The following XRCC4 variants were observed in gnomAD, a reference collection of about 807,000 sequenced individuals.
XRCC4 encodes X-ray repair cross complementing 4, also known as DNA repair protein XRCC4.
XRCC4 carries 28 observed loss-of-function variants against 39.1 expected under a neutral mutation model. The observed-to-expected ratio is 0.72, with a 90% CI of 0.53 to 0.98. The LOEUF is 0.98. Among genes scored for constraint, XRCC4 ranks in the 50% least tolerant of loss-of-function variants. The probability of loss-of-function intolerance (pLI) is 0.00; values close to 1 mark genes in which losing one functional copy is unlikely to be tolerated. For missense variants in XRCC4, 350 were observed against 376.4 expected, an observed-to-expected ratio of 0.93 and a Z score of 0.58; for synonymous variants, 123 against 126.4, an observed-to-expected ratio of 0.97 and a Z score of 0.18.
chr5:83,283,586 T>G (rs1262458565), intron 7 of XRCC4, among the ~76,000 whole-genome samples: 1 of 152,208 alleles, frequency 6.6e-6, no homozygotes, highest in African/African-American at 2.4e-5. Context: ...ATAATTGACT[T>G]TATTCCACTA....
chr5:83,190,932 T>C (rs1750665889), intron 3 of XRCC4, among the ~76,000 whole-genome samples: 2 of 152,220 alleles, frequency 1.3e-5, no homozygotes, highest in Admixed American at 1.3e-4. Flanking sequence ...CATGTCTTTA[T>C]TTCTTTATTT....
intron 1 of XRCC4, among the ~76,000 whole-genome samples, chr5:83,095,289 C>T (rs1198667871): frequency 3.3e-5 from 5 of 152,124 alleles, no homozygotes; most frequent in Non-Finnish European, 7.3e-5. Context: ...ACAGAAATTT[C>T]CTCTGATCAG....
chr5:83,364,285 T>C, the XRCC4 span, among the ~76,000 whole-genome samples: 1 of 152,184 alleles, frequency 6.6e-6, no homozygotes, highest in Admixed American at 6.5e-5. Flanking sequence ...GTATTTCTCA[T>C]TGTCTTTCTA....
At chr5:83,337,030 G>C (rs1049588739) in intron 7 of XRCC4, among the ~76,000 whole-genome samples, 12 of 152,052 alleles carry the variant, frequency 7.9e-5, no homozygotes, top group African/African-American at 2.7e-4. Flanking sequence ...CTAAGTGATA[G>C]CATTTCTAAA....
chr5:83,170,183 G>T (rs7726666), intron 3 of XRCC4, among the ~76,000 whole-genome samples: 5,809 of 152,138 alleles, frequency 0.038, 123 homozygotes, highest in African/African-American at 0.049. Flanking sequence ...ATTGTGTCTT[G>T]TGAGCTTGCT....
At chr5:83,162,177 A>T (rs1036382959) in intron 3 of XRCC4, among the ~76,000 whole-genome samples, 12 of 152,184 alleles carry the variant, frequency 7.9e-5, no homozygotes, top group East Asian at 1.9e-4. Context: ...AAAAATAAAT[A>T]AATTAATTAG....
intron 7 of XRCC4, among the ~76,000 whole-genome samples, chr5:83,328,982 G>T (rs1389259584): frequency 1.3e-5 from 2 of 151,704 alleles, no homozygotes; most frequent in Non-Finnish European, 1.5e-5. Context: ...ATGTTGCCCA[G>T]ACTGGACTCC....
intron 6 of XRCC4, among the ~76,000 whole-genome samples, chr5:83,229,026 CATT>C (rs960274865): frequency 4.0e-5 from 6 of 151,796 alleles, no homozygotes; most frequent in Non-Finnish European, 7.4e-5. Flanking sequence ...GACCCAGTTC[CATT>C]TGGAGACTTG....
chr5:83,264,765 G>A (rs1280424461), intron 7 of XRCC4, among the ~76,000 whole-genome samples: 2 of 152,012 alleles, frequency 1.3e-5, no homozygotes, highest in East Asian at 3.9e-4. Context: ...TCAATATGGT[G>A]TAATATGGGA....
intron 7 of XRCC4, among the ~76,000 whole-genome samples, chr5:83,302,182 C>A (rs1458205698): frequency 6.6e-6 from 1 of 151,914 alleles, no homozygotes; most frequent in Non-Finnish European, 1.5e-5. Context: ...GGCCACTTGG[C>A]TCCCTGGCTT....
At chr5:83,098,676 A>G (rs1359557470) in intron 1 of XRCC4, among the ~76,000 whole-genome samples, 3 of 152,146 alleles carry the variant, frequency 2.0e-5, no homozygotes, top group African/African-American at 7.2e-5. Context: ...TTTTTCAAAA[A>G]AAAAAATCTT....
chr5:83,234,887 T>C (rs1430612958), intron 6 of XRCC4, among the ~76,000 whole-genome samples: 1 of 151,718 alleles, frequency 6.6e-6, no homozygotes, highest in African/African-American at 2.4e-5. Flanking sequence ...AAGTTAATCC[T>C]CTTTAAATAG....
In XRCC4 at chr5:83,118,471, C is replaced by CT. The variant is rs1746847711; in HGVS notation, c.315+7271dup. Among the ~76,000 whole-genome samples the CT allele has an allele frequency of 8.5e-5, 13 of 152,244 alleles. No individual in the cohort carries two copies. The South Asian group carries it at 2.7e-3, about 32-fold the overall frequency. On this transcript the variant is annotated intron_variant, in intron 3 of 7. Coordinates refer to ENST00000396027, the MANE Select transcript of XRCC4 (RefSeq NM_003401.5). The stretch of plus-strand genomic sequence containing the variant: ...ATGAGTCAGTGTGCCCAACAGTCTA[C>CT]TTTGTAATTTTTAACAGGTAGTTTT...
intron 6 of XRCC4, among the ~76,000 whole-genome samples, chr5:83,214,837 A>C (rs1190587273): frequency 8.3e-5 from 7 of 84,614 alleles, no homozygotes; most frequent in Admixed American, 3.5e-4. Context: ...ACTCCTTCTC[A>C]AAAAAAAAAA....
chr5:83,224,270 C>G (rs570812514), intron 6 of XRCC4, among the ~76,000 whole-genome samples: 1 of 151,640 alleles, frequency 6.6e-6, no homozygotes, highest in Non-Finnish European at 1.5e-5. Flanking sequence ...TTCTGTTTCT[C>G]TTTTGTATAT....
intron 3 of XRCC4, among the ~76,000 whole-genome samples, chr5:83,162,395 G>A (rs1437613195): frequency 6.6e-6 from 1 of 152,034 alleles, no homozygotes; most frequent in Admixed American, 6.5e-5. Context: ...AATTGGGGTT[G>A]GGGGGAGTGA....
At chr5:83,191,603 G>A (rs1363269067) in intron 3 of XRCC4, among the ~76,000 whole-genome samples, 1 of 152,168 alleles carries the variant, frequency 6.6e-6, no homozygotes, top group South Asian at 2.1e-4. Context: ...AGGAGGCTGA[G>A]GCAGGAGAAT....
intron 3 of XRCC4, among the ~76,000 whole-genome samples, chr5:83,168,357 G>A (rs1001254449): frequency 4.3e-4 from 65 of 152,054 alleles, no homozygotes; most frequent in African/African-American, 1.5e-3. Flanking sequence ...ACCTTACAAT[G>A]TAACCTCAAA....
chr5:83,152,267 G>T (rs1292670975), intron 3 of XRCC4, among the ~76,000 whole-genome samples: 2 of 152,116 alleles, frequency 1.3e-5, no homozygotes. Context: ...GGTTTTTTAG[G>T]CAACTAAGGT....
Sources: allele counts gnomAD v4.1 joint callset (sites outside exome capture counted in the v4.1 genomes callset), GRCh38; gene constraint gnomAD v4.1.1; transcripts MANE v1.5; gene names NCBI Gene and HGNC (gene_info 2026-07-23, HGNC 2026-07-21).